The following ABCC11 variants were observed in gnomAD, a reference collection of about 807,000 sequenced individuals.
The protein encoded by ABCC11 is ATP binding cassette subfamily C member 11, also known as ATP-binding cassette sub-family C member 11.
A neutral mutation model predicts 149.3 loss-of-function variants in ABCC11; 135 were observed. The ratio of observed to expected loss-of-function variants is 0.90; its 90% CI spans 0.79 to 1.04. The LOEUF is 1.04. Ranked by LOEUF, ABCC11 falls within the 50% of genes least tolerant of loss-of-function variation. The pLI, the probability that ABCC11 is intolerant of heterozygous loss-of-function variation, is 0.00. For missense variants in ABCC11, 1,680 were observed against 1,722.1 expected, an observed-to-expected ratio of 0.98 and a Z score of 0.43; for synonymous variants, 665 against 671.4, an observed-to-expected ratio of 0.99 and a Z score of 0.15.
chr16:48,235,644 G>A (rs889609137), intron 1 of ABCC11, among the ~76,000 whole-genome samples: 4 of 152,130 alleles, frequency 2.6e-5, no homozygotes, highest in African/African-American at 9.7e-5. Flanking sequence ...TGGCAGTCCC[G>A]GAAGCATTCC....
rs930787726 is a variant in ABCC11 at position 48,244,701 on chromosome 16, G to C, written c.-19+2613C>G. On this transcript the variant is annotated intron_variant, in intron 1 of 29. Transcript: ENST00000356608. Reference sequence around the variant, plus strand: ...CTGGGCCCAGGCCACGGCCTGCCTTGAGCGCGAGGCTCAGTTCGGGGCGGC... The same window carrying C: ...CTGGGCCCAGGCCACGGCCTGCCTTCAGCGCGAGGCTCAGTTCGGGGCGGC... 3.8e-6 allele frequency: 4 copies of C among 1,047,364 alleles called. No homozygotes were observed. In the African/African-American group the frequency reaches 6.7e-5, roughly 18 times the overall value. The allele number at this position is 1,047,364 out of a possible 1,614,324, so 64.9% of individuals were successfully genotyped here.
intron 26 of ABCC11, among the ~76,000 whole-genome samples, chr16:48,173,420 A>G (rs1031489617): frequency 3.9e-4 from 60 of 152,208 alleles, no homozygotes; most frequent in African/African-American, 1.4e-3. Flanking sequence ...AAGGGGCCTC[A>G]CAGTGTTGCT....
chr16:48,220,954 G>T (rs1969695894), intron 6 of ABCC11, among the ~76,000 whole-genome samples: 1 of 152,210 alleles, frequency 6.6e-6, no homozygotes, highest in Non-Finnish European at 1.5e-5. Context: ...CAAATGCTTA[G>T]CAGGGAATGC....
chr16:48,192,535 G>A lies in ABCC11; in HGVS notation c.2691C>T (p.Asn897=), dbSNP rs1477508364. ...VTRKASTALH[N]KLFNKVFRCP... ...AGGCCCATACCTTGTTGAAGAGCTT[G>A]TTGTGCAGGGCCGTGGATGCCTTCC... is the stretch of plus-strand genomic sequence containing the variant. Residue 897 remains asparagine, a synonymous_variant, in exon 20 of 30, where the codon AAC becomes AAT. Transcript: ENST00000356608. 6.2e-7 allele frequency: 1 copy of A among 1,614,220 alleles called. No individual in the cohort carries two copies. The highest frequency in any genetic ancestry group is 1.7e-5 in the Admixed American group (1 of 60,022).
intron 1 of ABCC11, among the ~76,000 whole-genome samples, chr16:48,241,739 C>T (rs1970979425): frequency 6.6e-6 from 1 of 152,116 alleles, no homozygotes; most frequent in Non-Finnish European, 1.5e-5. Context: ...GAAATAATAC[C>T]ACACATCTAC....
chr16:48,222,577 T>C (rs1271433334), intron 6 of ABCC11, 21 bp downstream of exon 6: 4 of 1,601,550 alleles, frequency 2.5e-6, no homozygotes, highest in South Asian at 1.1e-5. Context: ...TGGCCCAGAA[T>C]AGGCAGTCCC....
At chr16:48,203,087 C>G (rs993458523) in intron 14 of ABCC11, 141 bp downstream of exon 14, 4 of 939,970 alleles carry the variant, frequency 4.3e-6, no homozygotes, top group Non-Finnish European at 6.3e-6. Flanking sequence ...GGAAGCTTTG[C>G]TCCTCCTGCA....
Position 48,244,371 on chromosome 16 carries a change from G to T in ABCC11, c.-19+2943C>A, listed in dbSNP as rs371544681. ...GTCTGGCTCTTTTTGACAGCCCCCA[G>T]TGCGAAAGGCTGCCAGCATGTCATC... is the stretch of plus-strand genomic sequence containing the variant. On this transcript the variant is annotated intron_variant, in intron 1 of 29. Transcript: ENST00000356608. The T allele has an allele frequency of 4.6e-6, 7 of 1,519,692 alleles. No individual in the cohort carries two copies. In the African/African-American group the frequency reaches 9.9e-5, roughly 22 times the overall value. 94.1% of individuals were successfully genotyped at this position (1,519,692 alleles called of 1,614,324 possible). A position where few individuals can be genotyped will look rare whatever the true frequency, so the allele number is the denominator to read the frequency against.
intron 3 of ABCC11, 98 bp downstream of exon 3, chr16:48,230,339 T>G: frequency 7.1e-7 from 1 of 1,409,102 alleles, no homozygotes; most frequent in Non-Finnish European, 9.4e-7. Context: ...TGTGTAGGGA[T>G]GTAGTTATGC....
chr16:48,238,334 A>T (rs893358356), intron 1 of ABCC11, among the ~76,000 whole-genome samples: 5 of 152,126 alleles, frequency 3.3e-5, no homozygotes, highest in Admixed American at 6.5e-5. Flanking sequence ...TCATACTCAG[A>T]TGTCTATGGG....
At chr16:48,206,265 C>T (rs765004389) in intron 12 of ABCC11, among the ~76,000 whole-genome samples, 1 of 152,158 alleles carries the variant, frequency 6.6e-6, no homozygotes, top group Non-Finnish European at 1.5e-5. Context: ...AATGTTCTTA[C>T]TTTTGGACAT....
chr16:48,227,819 T>G lies in ABCC11; in HGVS notation c.382A>C (p.Lys128Gln). The change falls in exon 4 of 30, where the codon AAA becomes CAA. Residue 128 changes from lysine (K) to glutamine (Q), a missense_variant. Transcript: ENST00000356608. ...GCGCAGCTTCACCTTTGGACATTTT[T>G]GTCTGAGGCATCATGGACTGACAGT... ...PPLSVHDASD[K>Q]NVQRLHRLWE... The G allele has an allele frequency of 6.2e-7, 1 of 1,613,960 alleles. No individual in the cohort carries two copies. The highest frequency in any genetic ancestry group is 8.5e-7 in the Non-Finnish European group (1 of 1,179,918).
intron 18 of ABCC11, 82 bp from the exon 19 acceptor site, chr16:48,194,064 T>A (rs779985225): frequency 3.9e-6 from 4 of 1,013,084 alleles, no homozygotes; most frequent in Non-Finnish European, 6.1e-6. Context: ...GCCATCTCTG[T>A]CTTTGAGTGC....
At chr16:48,214,634 C>T (rs1327737304) in intron 9 of ABCC11, among the ~76,000 whole-genome samples, 2 of 152,156 alleles carry the variant, frequency 1.3e-5, no homozygotes, top group African/African-American at 2.4e-5. Flanking sequence ...ATTTTAACTA[C>T]AAGTACCACC....
intron 14 of ABCC11, 44 bp from the exon 15 acceptor site, chr16:48,200,523 C>T (rs1424396025): frequency 6.3e-7 from 1 of 1,594,234 alleles, no homozygotes; most frequent in East Asian, 2.3e-5. Flanking sequence ...ACAGCAAGCA[C>T]AGCCAGGTGT....
At chr16:48,210,814 T>G in intron 11 of ABCC11, 134 bp downstream of exon 11, 1 of 1,238,698 alleles carries the variant, frequency 8.1e-7, no homozygotes, top group Non-Finnish European at 1.1e-6. Flanking sequence ...CATGAAAAAT[T>G]TGAATTTTAA....
At chr16:48,205,579 G>C in intron 12 of ABCC11, 42 bp from the exon 13 acceptor site, 1 of 1,606,158 alleles carries the variant, frequency 6.2e-7, no homozygotes, top group Non-Finnish European at 8.5e-7. Context: ...ATTGGGCCAA[G>C]GGACAGAGCC....
At chr16:48,234,481 G>A (rs1970590226) in intron 1 of ABCC11, among the ~76,000 whole-genome samples, 1 of 152,040 alleles carries the variant, frequency 6.6e-6, no homozygotes, top group Admixed American at 6.6e-5. Context: ...CGACCACTGT[G>A]GCATCCATCT....
intron 18 of ABCC11, among the ~76,000 whole-genome samples, chr16:48,194,420 G>T (rs373880165): frequency 6.6e-6 from 1 of 152,184 alleles, no homozygotes; most frequent in Non-Finnish European, 1.5e-5. Flanking sequence ...TATGTGGTAC[G>T]TACTATTATG....
Sources: gnomAD v4.1 joint callset for allele counts (sites outside exome capture counted in the v4.1 genomes callset) on GRCh38, gnomAD v4.1.1 for gene constraint, MANE v1.5 for transcripts, NCBI Gene and HGNC (gene_info 2026-07-23, HGNC 2026-07-21) for gene names.